ACVR2B: variants seen among roughly 807,000 people sequenced by gnomAD.
ACVR2B encodes the protein activin A receptor type 2B, also known as activin receptor type-2B.
In ACVR2B, 18 loss-of-function variants were observed where a neutral mutation model predicts 65.1. The observed-to-expected ratio is 0.28, with a 90% CI of 0.19 to 0.41. The LOEUF (loss-of-function observed/expected upper bound fraction) is 0.41. Among genes scored for constraint, ACVR2B ranks in the 10% least tolerant of loss-of-function variants. The pLI is 1.00. For synonymous variants in ACVR2B, 298 were observed against 277.7 expected (o/e 1.07, Z -0.73); for missense variants, 482 against 682.7 (o/e 0.71, Z 3.28).
Position 38,483,223 on chromosome 3 carries a change from G to A in ACVR2B, c.1430G>A (p.Arg477Gln). Reference protein sequence around the residue: ...ARLSAGCVEERVSLIRRSVNG... With the variant: ...ARLSAGCVEEQVSLIRRSVNG... ...TTGTCCGCGGGCTGTGTGGAGGAGC[G>A]GGTGTCCCTGATTCGGAGGTCGGTC... Residue 477 changes from arginine (R) to glutamine (Q), a missense_variant, in exon 11 of 11, where the codon CGG (arginine) becomes CAG (glutamine). Physicochemically the swap from Arg to Gln is conservative, Grantham distance 43. Transcript: ENST00000352511. The surrounding 1 kb of genome is among the most constrained non-coding windows in gnomAD (Gnocchi z 4.8). The A allele has an allele frequency of 1.9e-6, 3 of 1,614,098 alleles. No homozygotes were observed. The highest frequency in any genetic ancestry group is 1.1e-5 in the South Asian group (1 of 91,082).
In ACVR2B at chr3:38,487,270, G is replaced by C. The variant is rs986082170; in HGVS notation, c.*3938G>C. On this transcript the variant is annotated 3_prime_UTR_variant, in exon 11 of 11. Coordinates refer to ENST00000352511, the MANE Select transcript of ACVR2B (RefSeq NM_001106.4). ...AAAAAGGAGGTTGTTTTTCAGCCTT[G>C]AACATCTTCAGGAGGATAGAGACTC... 1 of 152,192 alleles carries C rather than the reference G, an allele frequency of 6.6e-6. No homozygotes were observed. The highest frequency in any genetic ancestry group is 2.4e-5 in the African/African-American group (1 of 41,448). 9.4% of individuals were successfully genotyped at this position (152,192 alleles called of 1,614,324 possible).
intron 5 of ACVR2B, 30 bp downstream of exon 5, chr3:38,478,548 C>T (rs371786139): frequency 6.1e-5 from 98 of 1,613,796 alleles, no homozygotes; most frequent in African/African-American, 2.5e-4. Flanking sequence ...CATCCAGGTC[C>T]TCTGCCTCCA....
At chr3:38,474,748 G>T (rs62239937) in intron 1 of ACVR2B, 9,305 of 152,334 alleles carry the variant, frequency 0.061, 462 homozygotes, top group East Asian at 0.19. Flanking sequence ...CATTAGTCAA[G>T]GGTGGTTAAG....
Position 38,489,639 on chromosome 3 carries a change from C to G in ACVR2B, c.*6307C>G, listed in dbSNP as rs1296123674. 5 of 152,440 alleles carry G rather than the reference C, an allele frequency of 3.3e-5. No individual in the cohort carries two copies. Among genetic ancestry groups the G allele is most frequent in the Non-Finnish European group, 7.4e-5 (5 of 68,018 alleles). The allele number at this position is 152,440 out of a possible 1,614,324, so 9.4% of individuals were successfully genotyped here. Reference sequence around the variant, plus strand: ...TCTGTTGAACAAAGGGTTCTGAGGTCAAAAATTAGTTTGTAAGCCTTTGCC... The same window carrying G: ...TCTGTTGAACAAAGGGTTCTGAGGTGAAAAATTAGTTTGTAAGCCTTTGCC... On this transcript the variant is annotated 3_prime_UTR_variant, in exon 11 of 11. Coordinates refer to ENST00000352511, the MANE Select transcript of ACVR2B (RefSeq NM_001106.4).
rs62241769 is a variant in ACVR2B at position 38,492,805 on chromosome 3, T to C, written c.*9473T>C. ...ACACACACACACACACACACACACA[T>C]ACACCTAAAATGGCCTAAAGCAGAC... On this transcript the variant is annotated 3_prime_UTR_variant, in exon 11 of 11. Transcript: ENST00000352511. 3,255 of 77,668 alleles carry C rather than the reference T, an allele frequency of 0.042. 151 individuals carry two copies. Among genetic ancestry groups the C allele is most frequent in the East Asian group, 0.15 (238 of 1,610 alleles). 4.8% of individuals were successfully genotyped at this position (77,668 alleles called of 1,614,324 possible). A position where few individuals can be genotyped will look rare whatever the true frequency, so the allele number is the denominator to read the frequency against.
chr3:38,483,029 G>A lies in ACVR2B; in HGVS notation c.1345-109G>A. ...GGACCTGCTGCTGTGGTTGGGGCTG[G>A]TGGGCTCTGCCTGATCCTTGGGAAT... On this transcript the variant is annotated intron_variant, in intron 10 of 10. Transcript: ENST00000352511. The surrounding 1 kb of genome is among the most constrained non-coding windows in gnomAD (Gnocchi z 4.8). The A allele has an allele frequency of 3.8e-6, 5 of 1,303,928 alleles. No individual in the cohort carries two copies. The highest frequency in any genetic ancestry group is 5.5e-6 in the Non-Finnish European group (5 of 902,560). 80.8% of individuals were successfully genotyped at this position (1,303,928 alleles called of 1,614,324 possible). A position where few individuals can be genotyped will look rare whatever the true frequency, so the allele number is the denominator to read the frequency against.
Position 38,484,866 on chromosome 3 carries a change from T to G in ACVR2B, c.*1534T>G, listed in dbSNP as rs1444327349. The G allele has an allele frequency of 2.0e-5, 3 of 152,678 alleles. No homozygotes were observed. 9.5% of individuals were successfully genotyped at this position (152,678 alleles called of 1,614,324 possible). On this transcript the variant is annotated 3_prime_UTR_variant, in exon 11 of 11. Transcript: ENST00000352511. The stretch of plus-strand genomic sequence containing the variant: ...TTGTCTTGTAGTAAGTATATTTTAA[T>G]GTAAGTTGGCTTTTGTGACAAGGAA...
At position 38,477,771 on chromosome 3, in the gene ACVR2B, CTCTG is replaced by C. The variant is rs1575587402; in HGVS notation, c.261-84_261-81del. 9 of 1,336,166 alleles carry C rather than the reference CTCTG, an allele frequency of 6.7e-6. No individual in the cohort carries two copies. The highest frequency in any genetic ancestry group is 5.9e-5 in the South Asian group (5 of 85,388). The allele number at this position is 1,336,166 out of a possible 1,614,324, so 82.8% of individuals were successfully genotyped here. ...TCCCCCTGGTGTTGCCCATGAGGTG[CTCTG>C]TCTGTGAGGAGGGGTTGGCAGGGCA... On this transcript the variant is annotated intron_variant, in intron 2 of 10. Transcript: ENST00000352511. The surrounding 1 kb of genome is among the most constrained non-coding windows in gnomAD (Gnocchi z 6.7).
chr3:38,468,717 A>T (rs1035936868), intron 1 of ACVR2B, among the ~76,000 whole-genome samples: 1 of 152,152 alleles, frequency 6.6e-6, no homozygotes, highest in Non-Finnish European at 1.5e-5. Flanking sequence ...TCCAGAGCCA[A>T]CTTAGGAGTC....
rs545022120 is a variant in ACVR2B at position 38,462,515 on chromosome 3, T to C, written c.52+8141T>C. On this transcript the variant is annotated intron_variant, in intron 1 of 10. Transcript: ENST00000352511. ...CATAAAATAGTTTCATCTGTTTCTGTGCTTCATATGAATAGAACCTTACAG... is the reference window on the plus strand; with the variant it reads ...CATAAAATAGTTTCATCTGTTTCTGCGCTTCATATGAATAGAACCTTACAG... Among the ~76,000 whole-genome samples, 9 of 152,380 alleles carry C rather than the reference T, an allele frequency of 5.9e-5. 1 individual carries two copies. The South Asian group carries it at 1.9e-3, about 32-fold the overall frequency.
In ACVR2B at chr3:38,483,428, C is replaced by A; in HGVS notation, c.*96C>A. On this transcript the variant is annotated 3_prime_UTR_variant, in exon 11 of 11. Transcript: ENST00000352511. The surrounding 1 kb of genome is among the most constrained non-coding windows in gnomAD (Gnocchi z 4.8). ...TTGGAAATCCCATAAAACCAACAAA[C>A]ACATAAAATGCAGCTGCTATTTTAC... The A allele has an allele frequency of 8.8e-7, 1 of 1,131,394 alleles. No individual in the cohort carries two copies. Among genetic ancestry groups the A allele is most frequent in the Non-Finnish European group, 1.3e-6 (1 of 756,912 alleles). The allele number at this position is 1,131,394 out of a possible 1,614,324, so 70.1% of individuals were successfully genotyped here. A position where few individuals can be genotyped will look rare whatever the true frequency, so the allele number is the denominator to read the frequency against.
intron 1 of ACVR2B, among the ~76,000 whole-genome samples, chr3:38,462,322 A>G (rs991359170): frequency 2.6e-5 from 4 of 152,218 alleles, no homozygotes; most frequent in African/African-American, 9.6e-5. Context: ...TAATTACCAT[A>G]AGTAACAGCT....
chr3:38,477,585 A>G lies in ACVR2B; in HGVS notation c.260+91A>G. On this transcript the variant is annotated intron_variant, in intron 2 of 10. Coordinates refer to ENST00000352511, the MANE Select transcript of ACVR2B (RefSeq NM_001106.4). The surrounding 1 kb of genome is among the most constrained non-coding windows in gnomAD (Gnocchi z 6.7). ...TTGGGTCTCAGGATGTCTGAGTGGG[A>G]GATAAAGGACCAAGAAGGGGCTCTT... The G allele has an allele frequency of 1.7e-5, 24 of 1,442,836 alleles. No individual in the cohort carries two copies. The highest frequency in any genetic ancestry group is 2.2e-5 in the Non-Finnish European group (23 of 1,045,390). 89.4% of individuals were successfully genotyped at this position (1,442,836 alleles called of 1,614,324 possible). A position where few individuals can be genotyped will look rare whatever the true frequency, so the allele number is the denominator to read the frequency against.
At position 38,479,711 on chromosome 3, in the gene ACVR2B, A is replaced by C. The variant is rs903349508; in HGVS notation, c.844A>C (p.Ile282Leu). 3 of 1,614,086 alleles carry C rather than the reference A, an allele frequency of 1.9e-6. No individual in the cohort carries two copies. In the African/African-American group the frequency reaches 4.0e-5, roughly 22 times the overall value. Residue 282 changes from isoleucine to leucine, a missense_variant, in exon 7 of 11, where the codon ATC becomes CTC. Ile to Leu is a conservative substitution (Grantham distance 5). This residue lies in a region of ACVR2B where 223 missense variants were observed against 386.3 expected (regional missense o/e 0.58). Coordinates refer to ENST00000352511, the MANE Select transcript of ACVR2B (RefSeq NM_001106.4). Reference sequence around the variant, plus strand: ...CACGGATTACCTCAAGGGGAACATCATCACATGGAACGAACTGTGTCATGT... The same window carrying C: ...CACGGATTACCTCAAGGGGAACATCCTCACATGGAACGAACTGTGTCATGT... ...SLTDYLKGNI[I>L]TWNELCHVAE... is the part of the protein sequence containing the mutation.
At chr3:38,473,035 T>C (rs1709846341) in intron 1 of ACVR2B, among the ~76,000 whole-genome samples, 1 of 152,160 alleles carries the variant, frequency 6.6e-6, no homozygotes, top group Non-Finnish European at 1.5e-5. Context: ...TGTATGTGCA[T>C]GTACTGTGTG....
intron 1 of ACVR2B, among the ~76,000 whole-genome samples, chr3:38,466,727 A>C (rs1709735534): frequency 6.6e-6 from 1 of 151,096 alleles, no homozygotes; most frequent in Admixed American, 6.6e-5. Flanking sequence ...CTGGTCTTGA[A>C]CTCCTGACCT....
In ACVR2B at chr3:38,482,417, C is replaced by T; in HGVS notation, c.1214-13C>T. ...CCTTAGAGTGATCCTGCCAGGCTCTCTCTTTCTCCTAGGACCCGTGGATGA... is the reference window on the plus strand; with the variant it reads ...CCTTAGAGTGATCCTGCCAGGCTCTTTCTTTCTCCTAGGACCCGTGGATGA... On this transcript the variant is annotated splice_polypyrimidine_tract_variant and intron_variant, in intron 9 of 10. Coordinates refer to ENST00000352511, the MANE Select transcript of ACVR2B (RefSeq NM_001106.4). 2 of 1,611,894 alleles carry T rather than the reference C, an allele frequency of 1.2e-6. No individual in the cohort carries two copies. Among genetic ancestry groups the T allele is most frequent in the Non-Finnish European group, 8.5e-7 (1 of 1,179,678 alleles).
intron 1 of ACVR2B, among the ~76,000 whole-genome samples, chr3:38,458,815 G>C (rs1709592291): frequency 6.6e-6 from 1 of 152,170 alleles, no homozygotes; most frequent in Admixed American, 6.5e-5. Flanking sequence ...GCAGGGTCCT[G>C]GTTGCATGGG....
In ACVR2B at chr3:38,482,327, G is replaced by T. The variant is rs1428047170; in HGVS notation, c.1204G>T (p.Ala402Ser). ...VLWELVSRCK[A>S]ADGPVDEYML... ...GTGGGAGCTTGTGTCTCGCTGCAAG[G>T]CTGCAGACGGTAAGTAGGATGGCAG... The change falls in exon 9 of 11, where the codon GCT (alanine) becomes TCT (serine). Residue 402 changes from alanine to serine, a missense_variant. Physicochemically the swap from Ala to Ser is moderately conservative, Grantham distance 99 (BLOSUM62 1). Around this residue, in one of 5 missense-constraint regions of ACVR2B, gnomAD observed 223 missense variants for 386.3 expected, o/e 0.58. Coordinates refer to ENST00000352511, the MANE Select transcript of ACVR2B (RefSeq NM_001106.4). 6.2e-7 allele frequency: 1 copy of T among 1,611,650 alleles called. No individual in the cohort carries two copies. The highest frequency in any genetic ancestry group is 8.5e-7 in the Non-Finnish European group (1 of 1,179,552).
Sources: allele counts gnomAD v4.1 joint callset (sites outside exome capture counted in the v4.1 genomes callset), GRCh38; gene constraint gnomAD v4.1.1; regional missense constraint gnomAD v4.1.1; non-coding constraint Gnocchi (gnomAD v3.1); transcripts MANE v1.5; gene names NCBI Gene and HGNC (gene_info 2026-07-23, HGNC 2026-07-21).